The following DOCK1 variants were observed in gnomAD, a reference collection of about 807,000 sequenced individuals.
DOCK1 encodes the protein dedicator of cytokinesis 1.
Under a neutral mutation model 262.7 loss-of-function variants are expected in DOCK1, and 138 were observed. The observed-to-expected ratio is 0.53, with a 90% CI of 0.46 to 0.61. DOCK1 has a LOEUF of 0.61. DOCK1 is among the 20% of genes least tolerant of loss of function. The probability of loss-of-function intolerance (pLI) is 0.00; values close to 1 mark genes in which losing one functional copy is unlikely to be tolerated. For missense variants in DOCK1, 1,908 were observed against 2,370.7 expected (o/e 0.80, Z 4.05); for synonymous variants, 866 against 867.4 (o/e 1.00, Z 0.03).
intron 1 of DOCK1, among the ~76,000 whole-genome samples, chr10:126,915,628 C>T (rs1432987917): frequency 3.3e-5 from 5 of 152,104 alleles, no homozygotes; most frequent in African/African-American, 4.8e-5. Context: ...GTTACTAACA[C>T]GGGTTAGTAA....
At chr10:127,215,102 A>C (rs1344701970) in intron 27 of DOCK1, among the ~76,000 whole-genome samples, 1 of 152,030 alleles carries the variant, frequency 6.6e-6, no homozygotes, top group African/African-American at 2.4e-5. Context: ...TGCCTCTTCC[A>C]GGACTCCTGC....
intron 18 of DOCK1, among the ~76,000 whole-genome samples, chr10:127,035,871 G>T (rs981524046): frequency 6.6e-6 from 1 of 151,882 alleles, no homozygotes; most frequent in African/African-American, 2.4e-5. Flanking sequence ...GCATGGTGGC[G>T]TGCACCTGTA....
intron 27 of DOCK1, among the ~76,000 whole-genome samples, chr10:127,244,472 C>G (rs1291771596): frequency 1.3e-5 from 2 of 152,146 alleles, no homozygotes; most frequent in African/African-American, 4.8e-5. Flanking sequence ...CTCCAAATCA[C>G]TTTTTAAAAA....
chr10:127,381,064 GA>G (rs974038845), intron 36 of DOCK1, among the ~76,000 whole-genome samples: 30 of 152,130 alleles, frequency 2.0e-4, no homozygotes, highest in Admixed American at 6.5e-4. Context: ...AAATTTGAAG[GA>G]AAATTCTACC....
At chr10:126,979,123 A>G (rs569108001) in intron 3 of DOCK1, among the ~76,000 whole-genome samples, 1 of 152,332 alleles carries the variant, frequency 6.6e-6, no homozygotes, top group African/African-American at 2.4e-5. Context: ...TCAGTGACCT[A>G]TAGCCTTGAA....
chr10:127,212,061 C>A (rs1295665127), intron 27 of DOCK1, among the ~76,000 whole-genome samples: 3 of 152,176 alleles, frequency 2.0e-5, no homozygotes, highest in African/African-American at 7.2e-5. Flanking sequence ...GCATATATTA[C>A]AAAATTATTC....
intron 27 of DOCK1, among the ~76,000 whole-genome samples, chr10:127,177,332 G>A (rs2055255362): frequency 6.6e-6 from 1 of 152,182 alleles, no homozygotes; most frequent in Non-Finnish European, 1.5e-5. Context: ...AAAAGATGCA[G>A]GTGGCCAATG....
intron 43 of DOCK1, among the ~76,000 whole-genome samples, chr10:127,413,782 G>A (rs1406171331): frequency 6.6e-6 from 1 of 152,238 alleles, no homozygotes; most frequent in Non-Finnish European, 1.5e-5. Flanking sequence ...TCCCCATGGG[G>A]CAAAGAGGAC....
chr10:127,247,007 G>A (rs530718398), intron 27 of DOCK1, among the ~76,000 whole-genome samples: 1 of 152,268 alleles, frequency 6.6e-6, no homozygotes, highest in South Asian at 2.1e-4. Context: ...ATATTTAAAA[G>A]CAAGGAAGGC....
intron 29 of DOCK1, among the ~76,000 whole-genome samples, chr10:127,283,972 T>C (rs2061056660): frequency 6.6e-6 from 1 of 152,244 alleles, no homozygotes; most frequent in Non-Finnish European, 1.5e-5. Flanking sequence ...TATTGCACTC[T>C]CGCCAGAATT....
intron 23 of DOCK1, among the ~76,000 whole-genome samples, chr10:127,076,294 G>A (rs1023150471): frequency 2.0e-5 from 3 of 152,202 alleles, no homozygotes; most frequent in Non-Finnish European, 2.9e-5. Context: ...AAGGTCAGTA[G>A]ATCAAGACCA....
At chr10:127,259,434 G>T (rs2059938096) in intron 29 of DOCK1, among the ~76,000 whole-genome samples, 1 of 152,208 alleles carries the variant, frequency 6.6e-6, no homozygotes, top group African/African-American at 2.4e-5. Flanking sequence ...GTGAAAACAA[G>T]CAAACACATC....
chr10:126,990,421 C>T, intron 5 of DOCK1, 34 bp from the exon 6 acceptor site: 1 of 1,569,110 alleles, frequency 6.4e-7, no homozygotes, highest in East Asian at 2.3e-5. Context: ...TGTTTTATAA[C>T]AAAATCTTTC....
chr10:127,406,062 T>C (rs758811228), intron 40 of DOCK1, among the ~76,000 whole-genome samples: 1 of 152,184 alleles, frequency 6.6e-6, no homozygotes, highest in Admixed American at 6.5e-5. Context: ...AGTGTGTGTG[T>C]GCTCCGGAAC....
At chr10:126,929,211 T>C (rs2033999022) in intron 1 of DOCK1, among the ~76,000 whole-genome samples, 1 of 152,216 alleles carries the variant, frequency 6.6e-6, no homozygotes, top group African/African-American at 2.4e-5. Context: ...GTTGGACTGA[T>C]CTGGGGATGA....
chr10:127,074,080 A>G (rs940176559), intron 23 of DOCK1, among the ~76,000 whole-genome samples: 3 of 152,210 alleles, frequency 2.0e-5, no homozygotes, highest in Non-Finnish European at 4.4e-5. Context: ...GGAATATTTC[A>G]TATGTGAGCT....
intron 44 of DOCK1, among the ~76,000 whole-genome samples, chr10:127,416,256 A>G (rs1479581552): frequency 6.6e-6 from 1 of 152,240 alleles, no homozygotes; most frequent in Non-Finnish European, 1.5e-5. Context: ...GCAGCCAGGC[A>G]GTGCCTGACA....
Position 127,039,038 on chromosome 10 carries a change from C to T in DOCK1, c.2010+1222C>T, listed in dbSNP as rs569271683. 1.8e-4 allele frequency among the ~76,000 whole-genome samples: 27 copies of T among 152,248 alleles called. 1 individual carries two copies. The highest frequency in any genetic ancestry group is 2.4e-4 in the Non-Finnish European group (16 of 68,026). On this transcript the variant is annotated intron_variant, in intron 19 of 51. Coordinates refer to ENST00000623213, the MANE Select transcript of DOCK1 (RefSeq NM_001290223.2). Reference sequence around the variant, plus strand: ...TAGGAGAGGTGATTGCAGAAAGAGACGACCTTATCTCTGTAAAAACTAATT... The same window carrying T: ...TAGGAGAGGTGATTGCAGAAAGAGATGACCTTATCTCTGTAAAAACTAATT...
chr10:126,956,493 G>T (rs958681444), intron 1 of DOCK1, among the ~76,000 whole-genome samples: 21 of 152,292 alleles, frequency 1.4e-4, no homozygotes, highest in Middle Eastern at 6.8e-3. Flanking sequence ...AGCTGGGCCC[G>T]GCTGAGCTGC....
Sources: allele counts gnomAD v4.1 joint callset (sites outside exome capture counted in the v4.1 genomes callset), GRCh38; gene constraint gnomAD v4.1.1; transcripts MANE v1.5; gene names NCBI Gene and HGNC (gene_info 2026-07-23, HGNC 2026-07-21).